Variants in CNKSR3 observed in about 807,000 individuals in gnomAD.
CNKSR3 encodes the protein connector enhancer of kinase suppressor of ras 3.
Under a neutral mutation model 67.7 loss-of-function variants are expected in CNKSR3, and 36 were observed. That is an observed-to-expected ratio of 0.53 (90% CI 0.41 to 0.70). The LOEUF is 0.70. Ranked by LOEUF, CNKSR3 falls within the 30% of genes least tolerant of loss-of-function variation. CNKSR3 has a pLI of 0.00. For missense variants in CNKSR3, 630 were observed against 695.2 expected (o/e 0.91, Z 1.05); for synonymous variants, 281 against 271.4 (o/e 1.04, Z -0.35).
intron 1 of CNKSR3, among the ~76,000 whole-genome samples, chr6:154,503,116 C>A (rs1300019192): frequency 1.3e-5 from 2 of 152,144 alleles, no homozygotes; most frequent in African/African-American, 4.8e-5. Context: ...CATTTGGTGT[C>A]ATTTCCCATC....
chr6:154,456,966 TG>T (rs1169361275), intron 1 of CNKSR3, among the ~76,000 whole-genome samples: 1 of 152,036 alleles, frequency 6.6e-6, no homozygotes, highest in Non-Finnish European at 1.5e-5. Context: ...AAACAGGATT[TG>T]GGGGGTACAT....
chr6:154,470,912 A>G (rs1365382939), intron 1 of CNKSR3, among the ~76,000 whole-genome samples: 1 of 152,224 alleles, frequency 6.6e-6, no homozygotes. Context: ...ATTTATGAAG[A>G]TTCCAATTTC....
At chr6:154,423,799 T>C (rs1002673408) in intron 7 of CNKSR3, among the ~76,000 whole-genome samples, 1 of 152,188 alleles carries the variant, frequency 6.6e-6, no homozygotes, top group Non-Finnish European at 1.5e-5. Context: ...AGAAATTGCT[T>C]TAAAGAAAAT....
rs1157359125 is a variant in CNKSR3 at position 154,401,414 on chromosome 6, AAGGGTGCTCAC to A, written c.*4929_*4939del. On this transcript the variant is annotated 3_prime_UTR_variant, in exon 13 of 13. Transcript: ENST00000607772. ...ATGATGGCTATCAGCAAACCAGGGT[AAGGGTGCTCAC>A]CAGGAACTCACCTTGATCTTGGACT... is the stretch of plus-strand genomic sequence containing the variant. 6.5e-6 allele frequency: 1 copy of A among 152,702 alleles called. No homozygotes were observed. Among genetic ancestry groups the A allele is most frequent in the Non-Finnish European group, 1.5e-5 (1 of 68,450 alleles). The allele number at this position is 152,702 out of a possible 1,614,324, so 9.5% of individuals were successfully genotyped here.
chr6:154,465,630 C>T (rs1167376526), intron 1 of CNKSR3, among the ~76,000 whole-genome samples: 2 of 152,172 alleles, frequency 1.3e-5, no homozygotes, highest in African/African-American at 4.8e-5. Context: ...GAAACGTTCA[C>T]AGATGTCTCT....
At chr6:154,441,474 C>A in intron 3 of CNKSR3, 95 bp from the exon 4 acceptor site, 1 of 866,758 alleles carries the variant, frequency 1.2e-6, no homozygotes, top group Non-Finnish European at 1.9e-6. Flanking sequence ...ATGGGCTACT[C>A]TAAATTCCTT....
intron 1 of CNKSR3, among the ~76,000 whole-genome samples, chr6:154,505,649 C>G (rs1255839756): frequency 6.6e-6 from 1 of 151,084 alleles, no homozygotes; most frequent in Non-Finnish European, 1.5e-5. Context: ...AGGCGCCCAC[C>G]ACCACACCCG....
intron 12 of CNKSR3, among the ~76,000 whole-genome samples, chr6:154,409,789 A>C (rs929243202): frequency 5.9e-5 from 9 of 151,712 alleles, no homozygotes; most frequent in Admixed American, 5.9e-4. Context: ...CATCCCCGTA[A>C]TTCCAGCACT....
chr6:154,421,896 C>T (rs993796682), intron 9 of CNKSR3, among the ~76,000 whole-genome samples: 3 of 151,866 alleles, frequency 2.0e-5, no homozygotes, highest in African/African-American at 7.3e-5. Flanking sequence ...CCACACTGTC[C>T]GATATGGGAG....
chr6:154,466,494 C>A (rs763200467), intron 1 of CNKSR3, among the ~76,000 whole-genome samples: 21 of 152,152 alleles, frequency 1.4e-4, no homozygotes, highest in Non-Finnish European at 2.9e-4. Flanking sequence ...CAGGACCCAG[C>A]CTTGGCCCTT....
intron 1 of CNKSR3, among the ~76,000 whole-genome samples, 193 bp downstream of exon 1, chr6:154,509,870 C>A (rs1787179138): frequency 6.6e-6 from 1 of 152,218 alleles, no homozygotes; most frequent in Non-Finnish European, 1.5e-5. Context: ...AATCCGCACC[C>A]TGGAAAGGAA....
intron 3 of CNKSR3, 59 bp from the exon 4 acceptor site, chr6:154,441,438 T>A (rs1413349039): frequency 1.3e-5 from 16 of 1,261,676 alleles, no homozygotes; most frequent in Non-Finnish European, 1.9e-5. Context: ...GGGATCCCAC[T>A]GGATGTTGGT....
At chr6:154,464,809 C>T (rs1051466033) in intron 1 of CNKSR3, among the ~76,000 whole-genome samples, 1 of 151,832 alleles carries the variant, frequency 6.6e-6, no homozygotes, top group Non-Finnish European at 1.5e-5. Flanking sequence ...TCAAGAGGGA[C>T]GTCATGGCAT....
In CNKSR3 at chr6:154,399,411, A is replaced by C. The variant is rs982667727; in HGVS notation, c.*6943T>G. 3.9e-5 allele frequency: 6 copies of C among 152,180 alleles called. No individual in the cohort carries two copies. Among genetic ancestry groups the C allele is most frequent in the Admixed American group, 3.9e-4 (6 of 15,270 alleles). 9.4% of individuals were successfully genotyped at this position (152,180 alleles called of 1,614,324 possible). ...GGGCCTTAAAAACATTATCTCATTT[A>C]ATCACCATAAGCCTTCGAAGTAGAT... On this transcript the variant is annotated 3_prime_UTR_variant, in exon 13 of 13. Transcript: ENST00000607772.
At chr6:154,454,104 C>CACACACACACACACACACACAGAGAG (rs1268729108) in intron 1 of CNKSR3, among the ~76,000 whole-genome samples, 4 of 116,290 alleles carry the variant, frequency 3.4e-5, no homozygotes, top group Admixed American at 8.7e-5. Context: ...CACACACACA[C>CACACACACACACACACACACAGAGAG]AGAGAGAGAG....
intron 1 of CNKSR3, among the ~76,000 whole-genome samples, chr6:154,476,182 C>A (rs567475950): frequency 2.0e-5 from 3 of 152,226 alleles, no homozygotes; most frequent in South Asian, 2.1e-4. Flanking sequence ...TCGGGCCGGG[C>A]GCGGTGGCTC....
At chr6:154,487,458 G>A (rs956779465) in intron 1 of CNKSR3, among the ~76,000 whole-genome samples, 2 of 152,138 alleles carry the variant, frequency 1.3e-5, no homozygotes, top group South Asian at 2.1e-4. Context: ...ATTGGCCAAC[G>A]TCAGGCAACC....
chr6:154,473,363 T>A (rs975495665), intron 1 of CNKSR3, among the ~76,000 whole-genome samples: 1 of 152,232 alleles, frequency 6.6e-6, no homozygotes, highest in Non-Finnish European at 1.5e-5. Flanking sequence ...GATGTGTTCA[T>A]CATACAAGCT....
At chr6:154,489,753 G>GA (rs1298320880) in intron 1 of CNKSR3, among the ~76,000 whole-genome samples, 1 of 152,090 alleles carries the variant, frequency 6.6e-6, no homozygotes. Context: ...CACTTCCAGA[G>GA]AAAAAATTCC....
Sources: allele counts gnomAD v4.1 joint callset (sites outside exome capture counted in the v4.1 genomes callset), GRCh38; gene constraint gnomAD v4.1.1; transcripts MANE v1.5; gene names NCBI Gene and HGNC (gene_info 2026-07-23, HGNC 2026-07-21).